CFAP65: variants seen among roughly 807,000 people sequenced by gnomAD.
The protein encoded by CFAP65 is cilia- and flagella-associated protein 65.
Under a neutral mutation model 208.0 loss-of-function variants are expected in CFAP65, and 155 were observed. The observed-to-expected ratio is 0.75, with a 90% CI of 0.65 to 0.85. The LOEUF (loss-of-function observed/expected upper bound fraction) is 0.85. Ranked by LOEUF, CFAP65 falls within the 40% of genes least tolerant of loss-of-function variation. CFAP65 has a pLI of 0.00. For missense variants in CFAP65, 2,294 were observed against 2,451.3 expected (o/e 0.94, Z 1.36); for synonymous variants, 970 against 986.3 (o/e 0.98, Z 0.31).
chr2:219,010,164 G>A lies in CFAP65; in HGVS notation c.4309-79C>T, dbSNP rs888759967. The A allele has an allele frequency of 1.1e-5, 16 of 1,421,256 alleles. No homozygotes were observed. The Admixed American group carries it at 3.4e-4, about 30-fold the overall frequency. The allele number at this position is 1,421,256 out of a possible 1,614,324, so 88.0% of individuals were successfully genotyped here. A position where few individuals can be genotyped will look rare whatever the true frequency, so the allele number is the denominator to read the frequency against. On this transcript the variant is annotated intron_variant, in intron 26 of 34. Coordinates refer to ENST00000341552, the MANE Select transcript of CFAP65 (RefSeq NM_194302.4). ...CACGCCTGTAATCCCAGCACTTTGG[G>A]AGGCCAAGGTGGGAGGATCACGAGG...
intron 4 of CFAP65, among the ~76,000 whole-genome samples, chr2:219,037,008 A>G (rs897385155): frequency 6.6e-6 from 1 of 152,112 alleles, no homozygotes; most frequent in African/African-American, 2.4e-5. Context: ...GGTGACATGC[A>G]TGATGGGAGG....
rs1480875306 is a variant in CFAP65, at chr2:219,024,034, G to A, written c.2576C>T (p.Ala859Val). ...KQHTFYLQCNASPQYLKEVSM... is the reference protein window; with the variant it reads ...KQHTFYLQCNVSPQYLKEVSM... ...TCCTACCTTGAGATACTGGGGGGAA[G>A]CATTGCACTGCAGATAGAAAGTGTG... The change falls in exon 15 of 35, where the codon GCT becomes GTT. Residue 859 changes from alanine to valine, a missense_variant. By Grantham distance (64) the Ala-to-Val change is moderately conservative. This residue lies in a region of CFAP65 where 1,427 missense variants were observed against 1,438.7 expected (regional missense o/e 0.99). Transcript: ENST00000341552. 6.2e-7 allele frequency: 1 copy of A among 1,613,884 alleles called. No homozygotes were observed. Among genetic ancestry groups the A allele is most frequent in the Non-Finnish European group, 8.5e-7 (1 of 1,179,956 alleles).
chr2:219,033,308 C>A (rs990374471), intron 5 of CFAP65, among the ~76,000 whole-genome samples: 4 of 151,912 alleles, frequency 2.6e-5, no homozygotes, highest in Non-Finnish European at 5.9e-5. Flanking sequence ...CTGTCTATAC[C>A]AAAATTTTTT....
rs1947983223 is a variant in CFAP65 at position 219,031,008 on chromosome 2, G to A, written c.1015+98C>T. The A allele has an allele frequency of 6.9e-7, 1 of 1,445,652 alleles. No individual in the cohort carries two copies. The highest frequency in any genetic ancestry group is 9.3e-7 in the Non-Finnish European group (1 of 1,071,440). 89.6% of individuals were successfully genotyped at this position (1,445,652 alleles called of 1,614,324 possible). ...GGAGGGCAGGAGGCCGGTGGAGGCG[G>A]GGGCCAGGCCAGATGGGAGGTGGGG... On this transcript the variant is annotated intron_variant, in intron 8 of 34. Transcript: ENST00000341552. This position sits in a 1 kb window ranked among gnomAD's most constrained non-coding sequence, Gnocchi z 5.2.
At chr2:219,016,365 G>T (rs1288783477) in intron 21 of CFAP65, among the ~76,000 whole-genome samples, 1 of 145,234 alleles carries the variant, frequency 6.9e-6, no homozygotes, top group Admixed American at 7.1e-5. Context: ...TGCAATCTCG[G>T]CTCACTGCAA....
At position 219,010,034 on chromosome 2, in the gene CFAP65, T is replaced by C; in HGVS notation, c.4360A>G (p.Ser1454Gly). The change falls in exon 27 of 35, where the codon AGC becomes GGC. Residue 1454 changes from serine to glycine, a missense_variant. Physicochemically the swap from Ser to Gly is moderately conservative, Grantham distance 56 (BLOSUM62 0). This residue lies in a region of CFAP65 where 1,427 missense variants were observed against 1,438.7 expected (regional missense o/e 0.99). Transcript: ENST00000341552. ...HISLGNIPVQ[S>G]KCSRLLFLNN... Reference sequence around the variant, plus strand: ...AGGAAGAGCAGGCGGCTGCACTTGCTCTGCACAGGTATGTTTCCCAGGGAA... The same window carrying C: ...AGGAAGAGCAGGCGGCTGCACTTGCCCTGCACAGGTATGTTTCCCAGGGAA... 6.2e-7 allele frequency: 1 copy of C among 1,612,318 alleles called. No homozygotes were observed. The highest frequency in any genetic ancestry group is 8.5e-7 in the Non-Finnish European group (1 of 1,179,428).
intron 18 of CFAP65, 72 bp downstream of exon 18, chr2:219,021,708 G>T (rs1947272678): frequency 1.3e-6 from 2 of 1,533,920 alleles, no homozygotes; most frequent in Non-Finnish European, 1.8e-6. Context: ...AGTGTGCCCA[G>T]CAGGTTAACC....
chr2:219,024,165 C>A lies in CFAP65; in HGVS notation c.2445G>T (p.Gln815His). 6.2e-7 allele frequency: 1 copy of A among 1,614,046 alleles called. No homozygotes were observed. Among genetic ancestry groups the A allele is most frequent in the South Asian group, 1.1e-5 (1 of 91,086 alleles). The change falls in exon 15 of 35, where the codon CAG (glutamine) becomes CAT (histidine). Residue 815 changes from glutamine (Q) to histidine (H), a missense_variant. By Grantham distance (24) the Gln-to-His change is conservative. Around this residue, in one of 2 missense-constraint regions of CFAP65, gnomAD observed 1,427 missense variants for 1,438.7 expected, o/e 0.99. Coordinates refer to ENST00000341552, the MANE Select transcript of CFAP65 (RefSeq NM_194302.4). Reference protein sequence around the residue: ...CKLLTFSLAPQRGSDVILRPT... With the variant: ...CKLLTFSLAPHRGSDVILRPT... ...GCCGAAGGATGACGTCTGAGCCTCT[C>A]TGGGGGGCCAGGCTGAAGGTCAGCA...
In CFAP65 at chr2:219,013,552, C is replaced by T. The variant is rs1409487559; in HGVS notation, c.3813G>A (p.Val1271=). The T allele has an allele frequency of 6.2e-7, 1 of 1,601,456 alleles. No individual in the cohort carries two copies. Among genetic ancestry groups the T allele is most frequent in the Non-Finnish European group, 8.5e-7 (1 of 1,175,412 alleles). ...HLFIGTDHLP[V]LFKVSHGREI... ...CCCGGCCATGGGACACCTTGAAGAG[C>T]ACTGGGAGGTGATCAGTACCGATGA... is the stretch of plus-strand genomic sequence containing the variant. Residue 1271 remains valine (V), a synonymous_variant, in exon 23 of 35, where the codon GTG becomes GTA. Transcript: ENST00000341552.
intron 21 of CFAP65, chr2:219,014,330 G>A: frequency 3.7e-6 from 1 of 272,686 alleles, no homozygotes; most frequent in East Asian, 6.6e-5. Context: ...GCTTGAATAT[G>A]GGGGCCACTT....
chr2:219,008,199 C>T (rs748136379), intron 29 of CFAP65, among the ~76,000 whole-genome samples: 2 of 152,160 alleles, frequency 1.3e-5, no homozygotes, highest in Admixed American at 6.5e-5. Context: ...AAGAACTCTC[C>T]GTTGCCCATT....
In CFAP65 at chr2:219,010,794, T is replaced by G. The variant is rs1946421786; in HGVS notation, c.4149+11A>C. 1.3e-6 allele frequency: 2 copies of G among 1,597,202 alleles called. No individual in the cohort carries two copies. The highest frequency in any genetic ancestry group is 2.2e-5 in the South Asian group (2 of 89,802). ...CACCCCACCTCCCACGTCATCCAGG[T>G]TGCTGCTCACCGTGTAGGTCTTGGC... On this transcript the variant is annotated intron_variant, in intron 25 of 34. Transcript: ENST00000341552.
Position 219,026,101 on chromosome 2 carries a change from A to G in CFAP65, c.2270T>C (p.Leu757Pro). The G allele has an allele frequency of 1.2e-6, 2 of 1,614,060 alleles. No individual in the cohort carries two copies. The highest frequency in any genetic ancestry group is 1.7e-6 in the Non-Finnish European group (2 of 1,179,980). ...GCTGTGGCCTCGTGCCCGCACCGTC[A>G]GGCACCAGGATGGGCACATGGTGCA... Reference protein sequence around the residue: ...EDCTMCPSWCLTVRARGHSYF... With the variant: ...EDCTMCPSWCPTVRARGHSYF... The change falls in exon 14 of 35, where the codon CTG (leucine) becomes CCG (proline). Residue 757 changes from leucine (L) to proline (P), a missense_variant. Transcript: ENST00000341552.
In CFAP65 at chr2:219,032,443, G is replaced by T. The variant is rs1559159266; in HGVS notation, c.645+27C>A. On this transcript the variant is annotated intron_variant, in intron 6 of 34. Transcript: ENST00000341552. The surrounding 1 kb of genome is among the most constrained non-coding windows in gnomAD (Gnocchi z 5.5). Reference sequence around the variant, plus strand: ...GGTCACTGCTCCCAGGTACCTCCCTGCCCTCACTCGCTGTGGCAGACCTTA... The same window carrying T: ...GGTCACTGCTCCCAGGTACCTCCCTTCCCTCACTCGCTGTGGCAGACCTTA... 1 of 1,552,614 alleles carries T rather than the reference G, an allele frequency of 6.4e-7. No individual in the cohort carries two copies. The highest frequency in any genetic ancestry group is 8.7e-7 in the Non-Finnish European group (1 of 1,145,542).
chr2:219,030,164 G>A lies in CFAP65; in HGVS notation c.1206C>T (p.Ala402=), dbSNP rs143544623. 2.0e-5 allele frequency: 33 copies of A among 1,614,012 alleles called. No individual in the cohort carries two copies. The highest frequency in any genetic ancestry group is 1.3e-4 in the African/African-American group (10 of 74,898). ...FRIEISPDEL[A]EDQAFSCPTA... ...TGGGGCATGAGAAGGCCTGGTCTTC[G>A]GCCAGTTCATCCGGGGAAATTTCAA... The change falls in exon 10 of 35, where the codon GCC becomes GCT. Residue 402 remains alanine (A), a synonymous_variant. Transcript: ENST00000341552.
At chr2:219,021,424 G>T in intron 18 of CFAP65, 144 bp from the exon 19 acceptor site, 1 of 1,042,502 alleles carries the variant, frequency 9.6e-7, no homozygotes, top group Non-Finnish European at 1.3e-6. Flanking sequence ...CCTCCTCCCA[G>T]CCTGGGTCAG....
chr2:219,024,282 AG>A (rs758961804), intron 14 of CFAP65, 22 bp from the exon 15 acceptor site: 6 of 1,600,462 alleles, frequency 3.7e-6, no homozygotes, highest in Middle Eastern at 2.1e-4. Context: ...AGAGGAGGAA[AG>A]CGGCCCCCCG....
At position 219,028,275 on chromosome 2, in the gene CFAP65, CA is replaced by C. The variant is rs1947786947; in HGVS notation, c.1776del (p.Asp593ThrfsTer7). ...HLARGLTLYPPDILDAMLKEK... is the reference protein window; with the variant it reads ...HLARGLTLYPXDILDAMLKEK... ...TCCTTCAGCATGGCATCCAGGATGTCAGGGGGGTAGAGCGTCAGGCCCCGGG... is the reference window on the plus strand; with the variant it reads ...TCCTTCAGCATGGCATCCAGGATGTCGGGGGGTAGAGCGTCAGGCCCCGGG... On this transcript the variant is annotated frameshift_variant, in exon 12 of 35. Coordinates refer to ENST00000341552, the MANE Select transcript of CFAP65 (RefSeq NM_194302.4). LOFTEE classifies it high-confidence loss of function. The C allele has an allele frequency of 6.2e-7, 1 of 1,613,924 alleles. No individual in the cohort carries two copies. Among genetic ancestry groups the C allele is most frequent in the South Asian group, 1.1e-5 (1 of 91,078 alleles).
At position 219,004,507 on chromosome 2, in the gene CFAP65, TG is replaced by T; in HGVS notation, c.5052-53del. 1 of 1,537,946 alleles carries T rather than the reference TG, an allele frequency of 6.5e-7. No individual in the cohort carries two copies. The stretch of plus-strand genomic sequence containing the variant: ...CCTTGCTGAGGGGCCCTGAAGCCCC[TG>T]GGGAGCCCTGGCTTCAGAGCTAGGT... On this transcript the variant is annotated intron_variant, in intron 32 of 34. Coordinates refer to ENST00000341552, the MANE Select transcript of CFAP65 (RefSeq NM_194302.4). This position sits in a 1 kb window ranked among gnomAD's most constrained non-coding sequence, Gnocchi z 4.7.
Sources: gnomAD v4.1 joint callset for allele counts (sites outside exome capture counted in the v4.1 genomes callset) on GRCh38, gnomAD v4.1.1 for gene constraint, gnomAD v4.1.1 regional missense constraint, Gnocchi (gnomAD v3.1) non-coding constraint, MANE v1.5 for transcripts, NCBI Gene and HGNC (gene_info 2026-07-23, HGNC 2026-07-21) for gene names.